Variants in ZNF736 observed in about 807,000 individuals in gnomAD.
The protein encoded by ZNF736 is zinc finger protein 736.
In ZNF736, 6 loss-of-function variants were observed where a neutral mutation model predicts 11.7. The ratio of observed to expected loss-of-function variants is 0.51; its 90% CI spans 0.28 to 1.01. The LOEUF (loss-of-function observed/expected upper bound fraction) is 1.01, where lower values mean the gene tolerates loss of function less well. Ranked by LOEUF, ZNF736 falls within the 50% of genes least tolerant of loss-of-function variation. ZNF736 has a pLI of 0.09. For synonymous variants in ZNF736, 139 were observed against 164.7 expected (o/e 0.84, Z 1.19); for missense variants, 444 against 496.0 (o/e 0.90, Z 1.00).
chr7:64,339,526 G>A (rs1323732135), intron 3 of ZNF736, among the ~76,000 whole-genome samples: 1 of 152,084 alleles, frequency 6.6e-6, no homozygotes, highest in African/African-American at 2.4e-5. Flanking sequence ...CCAGCCCCAA[G>A]TGTGGAAGAG....
intron 3 of ZNF736, among the ~76,000 whole-genome samples, chr7:64,337,740 TG>T (rs1406319967): frequency 3.0e-4 from 29 of 95,834 alleles, no homozygotes; most frequent in Admixed American, 8.8e-4. Context: ...TGTTTTGTTT[TG>T]TTTTGTTTTT....
intron 2 of ZNF736, 131 bp downstream of exon 2, chr7:64,336,516 G>A: frequency 1.1e-6 from 1 of 948,792 alleles, no homozygotes. Context: ...TTGGGTATCT[G>A]TTGAGGTAGA....
chr7:64,335,782 G>T (rs1398813324), intron 1 of ZNF736, among the ~76,000 whole-genome samples: 1 of 152,124 alleles, frequency 6.6e-6, no homozygotes, highest in Non-Finnish European at 1.5e-5. Flanking sequence ...TTCTCCTTGG[G>T]CCAGAAGCAA....
Position 64,354,303 on chromosome 7 carries a change from A to G in ZNF736, c.*5156A>G, listed in dbSNP as rs1251922344. On this transcript the variant is annotated 3_prime_UTR_variant, in exon 4 of 4. Transcript: ENST00000423484. ...TACATGGATTTAAATATATAGATAT[A>G]TCACTGTAAAATAAACTTCAGGTGT... The G allele has an allele frequency of 6.6e-6, 1 of 152,174 alleles. No homozygotes were observed. Among genetic ancestry groups the G allele is most frequent in the African/African-American group, 2.4e-5 (1 of 41,448 alleles). The allele number at this position is 152,174 out of a possible 1,614,324, so 9.4% of individuals were successfully genotyped here. A position where few individuals can be genotyped will look rare whatever the true frequency, so the allele number is the denominator to read the frequency against.
At chr7:64,347,217 C>CTTTTTTTTTTTTTTTTTTTTTT in intron 3 of ZNF736, among the ~76,000 whole-genome samples, 1 of 55,874 alleles carries the variant, frequency 1.8e-5, no homozygotes, top group Non-Finnish European at 3.1e-5. Flanking sequence ...AAATGTTCGC[C>CTTTTTTTTTTTTTTTTTTTTTT]TTTTTTTTTT....
rs374489237 is a variant in ZNF736, at chr7:64,319,329, A to ATGTGTG, written c.3+5181_3+5182insGTGTGT. On this transcript the variant is annotated intron_variant, in intron 1 of 3. Transcript: ENST00000423484. ...TGTGTATATGTATGTGTGTGTGTGT[A>ATGTGTG]TGTGTATATATATATATATATATAT... Among the ~76,000 whole-genome samples, 235 of 50,532 alleles carry ATGTGTG rather than the reference A, an allele frequency of 4.7e-3. 12 individuals are homozygous for ATGTGTG. Among genetic ancestry groups the ATGTGTG allele is most frequent in the Admixed American group, 6.6e-3 (26 of 3,964 alleles). The allele number at this position is 50,532 out of a possible 152,430, so 33.2% of individuals were successfully genotyped here. A position where few individuals can be genotyped will look rare whatever the true frequency, so the allele number is the denominator to read the frequency against.
chr7:64,320,917 A>G (rs1168132029), intron 1 of ZNF736, among the ~76,000 whole-genome samples: 1 of 152,180 alleles, frequency 6.6e-6, no homozygotes, highest in Non-Finnish European at 1.5e-5. Context: ...ATGTCGGTAC[A>G]TTTACCCAGG....
rs779377114 is a variant in ZNF736 at position 64,353,831 on chromosome 7, G to A, written c.*4684G>A. ...ATTGCCTTACCATTTGCAAATTAAG[G>A]TAATTAAAATACAGTGAATTTCAAA... On this transcript the variant is annotated 3_prime_UTR_variant, in exon 4 of 4. Coordinates refer to ENST00000423484, the MANE Select transcript of ZNF736 (RefSeq NM_001170905.3). 7.2e-5 allele frequency: 11 copies of A among 152,192 alleles called. No individual in the cohort carries two copies. Among genetic ancestry groups the A allele is most frequent in the Non-Finnish European group, 8.8e-5 (6 of 68,030 alleles). The allele number at this position is 152,192 out of a possible 1,614,324, so 9.4% of individuals were successfully genotyped here.
intron 3 of ZNF736, among the ~76,000 whole-genome samples, chr7:64,337,759 T>TTG (rs373079339): frequency 0.058 from 8,208 of 141,648 alleles, 493 homozygotes; most frequent in Admixed American, 0.15. Flanking sequence ...TTTTTTGGTT[T>TTG]TTTTTTTTTT....
At chr7:64,322,281 GT>G in intron 1 of ZNF736, among the ~76,000 whole-genome samples, 1 of 152,010 alleles carries the variant, frequency 6.6e-6, no homozygotes, top group Non-Finnish European at 1.5e-5. Flanking sequence ...GTGTGAAGTG[GT>G]ATCTCAATAT....
chr7:64,324,056 T>C (rs1789044262), intron 1 of ZNF736, among the ~76,000 whole-genome samples: 1 of 152,240 alleles, frequency 6.6e-6, no homozygotes, highest in African/African-American at 2.4e-5. Flanking sequence ...ATTCATGGCA[T>C]AATTGTCAAA....
Position 64,349,212 on chromosome 7 carries a change from A to G in ZNF736, c.*65A>G, listed in dbSNP as rs538417196. ...CAACATCTGAAATTTAATACTGAAC[A>G]AATGCAGTATAAATGTAATGACAGT... is the stretch of plus-strand genomic sequence containing the variant. On this transcript the variant is annotated 3_prime_UTR_variant, in exon 4 of 4. Coordinates refer to ENST00000423484, the MANE Select transcript of ZNF736 (RefSeq NM_001170905.3). 1 of 1,267,654 alleles carries G rather than the reference A, an allele frequency of 7.9e-7. No individual in the cohort carries two copies. Among genetic ancestry groups the G allele is most frequent in the African/African-American group, 1.5e-5 (1 of 66,438 alleles). The allele number at this position is 1,267,654 out of a possible 1,614,324, so 78.5% of individuals were successfully genotyped here.
chr7:64,321,721 G>A (rs1789006239), intron 1 of ZNF736, among the ~76,000 whole-genome samples: 1 of 152,160 alleles, frequency 6.6e-6, no homozygotes, highest in Non-Finnish European at 1.5e-5. Flanking sequence ...GGTTCTCATT[G>A]ACTAGTTTCT....
At chr7:64,326,060 T>G (rs1789078316) in intron 1 of ZNF736, among the ~76,000 whole-genome samples, 1 of 152,228 alleles carries the variant, frequency 6.6e-6, no homozygotes, top group Admixed American at 6.5e-5. Flanking sequence ...TTTTGTAATC[T>G]CAGCAGATTG....
intron 1 of ZNF736, among the ~76,000 whole-genome samples, chr7:64,322,199 T>A (rs1789012604): frequency 6.6e-6 from 1 of 152,166 alleles, no homozygotes; most frequent in Non-Finnish European, 1.5e-5. Context: ...TTCTAATTTC[T>A]CCCTCTTCTT....
Position 64,349,157 on chromosome 7 carries a change from A to T in ZNF736, c.*10A>T. The T allele has an allele frequency of 6.6e-7, 1 of 1,508,116 alleles. No homozygotes were observed. Among genetic ancestry groups the T allele is most frequent in the Non-Finnish European group, 8.8e-7 (1 of 1,130,654 alleles). The allele number at this position is 1,508,116 out of a possible 1,614,324, so 93.4% of individuals were successfully genotyped here. On this transcript the variant is annotated 3_prime_UTR_variant, in exon 4 of 4. Coordinates refer to ENST00000423484, the MANE Select transcript of ZNF736 (RefSeq NM_001170905.3). ...GCTCCACAAGTGTTAAAAATGTGGA[A>T]AAGCCTTTACCAAGTCCTCATACTG...
Position 64,348,690 on chromosome 7 carries a change from A to G in ZNF736, c.827A>G (p.Lys276Arg), listed in dbSNP as rs569422519. ...FKCFSDLTNH[K>R]RIHTGEKPYK... ...TGCTTCTCAGACCTTACTAATCATA[A>G]GAGAATTCATACTGGAGAGAAACCC... The change falls in exon 4 of 4, where the codon AAG (lysine) becomes AGG (arginine). Residue 276 changes from lysine (K) to arginine (R), a missense_variant. Coordinates refer to ENST00000423484, the MANE Select transcript of ZNF736 (RefSeq NM_001170905.3). The G allele has an allele frequency of 3.3e-5, 53 of 1,608,674 alleles. No individual in the cohort carries two copies. The highest frequency in any genetic ancestry group is 6.8e-5 in the Admixed American group (4 of 59,232).
chr7:64,325,696 C>T (rs659604), intron 1 of ZNF736, among the ~76,000 whole-genome samples: 139,853 of 152,248 alleles, frequency 0.92, 64,333 homozygotes, highest in Non-Finnish European at 0.94. Context: ...AAAACTTTTA[C>T]ATGTAAATTT....
At chr7:64,334,309 A>G (rs1229231408) in intron 1 of ZNF736, among the ~76,000 whole-genome samples, 1 of 152,218 alleles carries the variant, frequency 6.6e-6, no homozygotes, top group Non-Finnish European at 1.5e-5. Flanking sequence ...ATCTAATTAA[A>G]CTAAAGAGCT....
Sources: gnomAD v4.1 joint callset for allele counts (sites outside exome capture counted in the v4.1 genomes callset) on GRCh38, gnomAD v4.1.1 for gene constraint, MANE v1.5 for transcripts, NCBI Gene and HGNC (gene_info 2026-07-23, HGNC 2026-07-21) for gene names.